Variants in NBEA observed in about 807,000 individuals in gnomAD.
NBEA encodes lysosomal-trafficking regulator 2.
A neutral mutation model predicts 343.4 loss-of-function variants in NBEA; 44 were observed. The observed-to-expected ratio is 0.13, with a 90% CI of 0.10 to 0.16. NBEA has a LOEUF of 0.16. Among genes scored for constraint, NBEA ranks in the 10% least tolerant of loss-of-function variants. The pLI is 1.00. For synonymous variants in NBEA, 1,175 were observed against 1,238.7 expected (o/e 0.95, Z 1.08); for missense variants, 2,555 against 3,631.3 (o/e 0.70, Z 7.62).
At chr13:35,403,095 G>A (rs988034278) in intron 38 of NBEA, among the ~76,000 whole-genome samples, 6 of 151,916 alleles carry the variant, frequency 3.9e-5, no homozygotes, top group Admixed American at 3.9e-4. Context: ...ACTATTCTGT[G>A]TCATAACTTT....
At chr13:35,482,059 T>G (rs992670283) in intron 41 of NBEA, among the ~76,000 whole-genome samples, 1 of 151,818 alleles carries the variant, frequency 6.6e-6, no homozygotes, top group South Asian at 2.1e-4. Context: ...ACATAGATAA[T>G]CAACTTCCAG....
At chr13:35,109,543 T>A (rs2066081354) in intron 12 of NBEA, 101 bp downstream of exon 12, 1 of 1,105,780 alleles carries the variant, frequency 9.0e-7, no homozygotes. Flanking sequence ...CATTTTAGCT[T>A]ATTTTATAGT....
chr13:35,262,725 T>A (rs1434927034), intron 34 of NBEA, among the ~76,000 whole-genome samples: 1 of 152,046 alleles, frequency 6.6e-6, no homozygotes, highest in Non-Finnish European at 1.5e-5. Context: ...TATTGTGTGT[T>A]GATTGTGGTG....
At chr13:35,128,932 G>C (rs2067269394) in intron 17 of NBEA, among the ~76,000 whole-genome samples, 1 of 152,058 alleles carries the variant, frequency 6.6e-6, no homozygotes, top group Non-Finnish European at 1.5e-5. Context: ...GAAAAATAGA[G>C]AGTGAGAGAA....
At chr13:35,221,259 G>A (rs1312296411) in intron 33 of NBEA, among the ~76,000 whole-genome samples, 3 of 151,176 alleles carry the variant, frequency 2.0e-5, no homozygotes, top group Non-Finnish European at 2.9e-5. Context: ...CAGAAGAATT[G>A]TTTGAACCCA....
chr13:35,475,785 G>T (rs1056127463), intron 41 of NBEA: 1 of 1,613,870 alleles, frequency 6.2e-7, no homozygotes, highest in South Asian at 1.1e-5. Context: ...AGCCGGAGGC[G>T]GTAATGAATT....
At chr13:35,244,307 G>A (rs896418949) in intron 34 of NBEA, among the ~76,000 whole-genome samples, 1 of 151,882 alleles carries the variant, frequency 6.6e-6, no homozygotes, top group Admixed American at 6.6e-5. Context: ...TGAGAGATGA[G>A]GATCAAGTTT....
chr13:35,564,514 G>C (rs553076855), intron 44 of NBEA, among the ~76,000 whole-genome samples: 1 of 151,952 alleles, frequency 6.6e-6, no homozygotes, highest in Non-Finnish European at 1.5e-5. Context: ...AGCCCTATCA[G>C]GTGTCCTAGG....
chr13:35,667,333 C>A, intron 56 of NBEA, 41 bp from the exon 57 acceptor site: 2 of 1,550,702 alleles, frequency 1.3e-6, no homozygotes, highest in South Asian at 2.3e-5. Flanking sequence ...TGTCGTTTGT[C>A]GTCCCCAACT....
In NBEA at chr13:35,475,651, C is replaced by T. The variant is rs2075832660; in HGVS notation, c.6585+3115C>T. 1.2e-6 allele frequency: 2 copies of T among 1,613,930 alleles called. No individual in the cohort carries two copies. On this transcript the variant is annotated intron_variant, in intron 41 of 58. Coordinates refer to ENST00000379939, the MANE Select transcript of NBEA (RefSeq NM_001385012.1). ...CGTGATCTGCACCACGTACCTATCT[C>T]GGATTCTCAGTTTCACTTCGCTGGT...
chr13:35,323,755 TG>T (rs1343640994), intron 36 of NBEA, among the ~76,000 whole-genome samples: 1 of 152,020 alleles, frequency 6.6e-6, no homozygotes, highest in African/African-American at 2.4e-5. Context: ...TATCTACTTA[TG>T]TACACATATT....
intron 10 of NBEA, among the ~76,000 whole-genome samples, chr13:35,085,789 A>G (rs2064723368): frequency 1.3e-5 from 2 of 152,158 alleles, no homozygotes; most frequent in African/African-American, 2.4e-5. Flanking sequence ...GAGAAAGTCA[A>G]ATTGTCCCTG....
At chr13:35,579,146 T>C (rs1444347005) in intron 45 of NBEA, among the ~76,000 whole-genome samples, 1 of 152,168 alleles carries the variant, frequency 6.6e-6, no homozygotes, top group African/African-American at 2.4e-5. Flanking sequence ...TTTTATGATA[T>C]ATTAGAATTC....
At chr13:35,477,472 G>A (rs901479534) in intron 41 of NBEA, among the ~76,000 whole-genome samples, 2 of 152,172 alleles carry the variant, frequency 1.3e-5, no homozygotes, top group Admixed American at 1.3e-4. Context: ...CGCTATATAT[G>A]CACTTATAGA....
At chr13:35,109,774 G>C (rs941156458) in intron 12 of NBEA, among the ~76,000 whole-genome samples, 2 of 151,964 alleles carry the variant, frequency 1.3e-5, no homozygotes, top group African/African-American at 2.4e-5. Flanking sequence ...TAATCATTTT[G>C]CTGGAAAATT....
chr13:35,343,039 T>C (rs1334459368), intron 36 of NBEA, among the ~76,000 whole-genome samples: 2 of 151,998 alleles, frequency 1.3e-5, no homozygotes, highest in Non-Finnish European at 2.9e-5. Flanking sequence ...GCCAAAAGAA[T>C]GTTGAAGGTA....
At chr13:35,670,798 T>C (rs146435284) in intron 58 of NBEA, 103 bp from the exon 59 acceptor site, 22,306 of 726,078 alleles carry the variant, frequency 0.031, 407 homozygotes, top group Non-Finnish European at 0.038. Context: ...GATCGTGATA[T>C]TGTCTAGTGT....
chr13:35,142,668 A>C (rs140424607), intron 18 of NBEA, among the ~76,000 whole-genome samples: 1 of 152,100 alleles, frequency 6.6e-6, no homozygotes, highest in African/African-American at 2.4e-5. Flanking sequence ...TCCGTTATGT[A>C]GTATTAGTTC....
intron 1 of NBEA, among the ~76,000 whole-genome samples, chr13:34,964,187 A>G (rs2059749510): frequency 6.6e-6 from 1 of 152,032 alleles, no homozygotes. Flanking sequence ...AAATAACATC[A>G]TATGTTGATA....
Sources: allele counts gnomAD v4.1 joint callset (sites outside exome capture counted in the v4.1 genomes callset), GRCh38; gene constraint gnomAD v4.1.1; transcripts MANE v1.5; gene names NCBI Gene and HGNC (gene_info 2026-07-23, HGNC 2026-07-21).